The following RBBP8 variants were observed in gnomAD, a reference collection of about 807,000 sequenced individuals.
RBBP8 encodes DNA endonuclease RBBP8.
In RBBP8, 88 loss-of-function variants were observed where a neutral mutation model predicts 108.3. That is an observed-to-expected ratio of 0.81 (90% CI 0.68 to 0.97). The LOEUF is 0.97. Among genes scored for constraint, RBBP8 ranks in the 50% least tolerant of loss-of-function variants. The pLI is 0.00. For missense variants in RBBP8, 1,023 were observed against 1,049.0 expected, an observed-to-expected ratio of 0.98 and a Z score of 0.34; for synonymous variants, 332 against 348.2, an observed-to-expected ratio of 0.95 and a Z score of 0.52.
intron 4 of RBBP8, among the ~76,000 whole-genome samples, chr18:22,951,728 C>T (rs914340793): frequency 6.6e-6 from 1 of 152,230 alleles, no homozygotes; most frequent in East Asian, 1.9e-4. Flanking sequence ...TTTGGACAGA[C>T]TCTAAATTGG....
chr18:22,997,555 AAATT>A (rs1344099609), intron 13 of RBBP8, 61 bp from the exon 14 acceptor site: 13 of 1,021,338 alleles, frequency 1.3e-5, no homozygotes, highest in Admixed American at 8.4e-5. Flanking sequence ...TGTTTTGTAA[AAATT>A]AAATATAAGA....
At position 22,949,602 on chromosome 18, in the gene RBBP8, A is replaced by G. The variant is rs757001537; in HGVS notation, c.153-16A>G. 6.4e-7 allele frequency: 1 copy of G among 1,568,852 alleles called. No homozygotes were observed. On this transcript the variant is annotated splice_polypyrimidine_tract_variant and intron_variant, in intron 3 of 18. Coordinates refer to ENST00000327155, the MANE Select transcript of RBBP8 (RefSeq NM_002894.3). The stretch of plus-strand genomic sequence containing the variant: ...GTATTTTTATCTGAAAAACTTATTT[A>G]TTTTTTGACCTTTAGAGATGCACAA...
chr18:22,942,773 C>A (rs537924891), intron 2 of RBBP8, among the ~76,000 whole-genome samples: 104 of 152,086 alleles, frequency 6.8e-4, no homozygotes, highest in Admixed American at 1.8e-3. Flanking sequence ...CTTTAAAAAT[C>A]TTTTTCAGTA....
chr18:23,016,574 A>G (rs1040205172), intron 16 of RBBP8, among the ~76,000 whole-genome samples: 1 of 152,118 alleles, frequency 6.6e-6, no homozygotes, highest in African/African-American at 2.4e-5. Flanking sequence ...GAAGGACATT[A>G]TTGGTATTTT....
At chr18:22,954,417 C>A (rs1341903703) in intron 4 of RBBP8, among the ~76,000 whole-genome samples, 1 of 152,218 alleles carries the variant, frequency 6.6e-6, no homozygotes, top group Non-Finnish European at 1.5e-5. Context: ...TCCAGCAGGG[C>A]AGTCAAATTT....
chr18:23,005,030 C>T (rs910031546), intron 15 of RBBP8, among the ~76,000 whole-genome samples: 11 of 152,066 alleles, frequency 7.2e-5, no homozygotes, highest in African/African-American at 2.2e-4. Context: ...GGTGTGGTGG[C>T]GTGCGCCTAG....
Position 22,982,408 on chromosome 18 carries a change from T to A in RBBP8, c.604+15T>A. ...GTGTGCAAATGGTAAGAGTTGGAGTTGTATTTTAGTTCTCTGGTTTTGTAA... is the reference window on the plus strand; with the variant it reads ...GTGTGCAAATGGTAAGAGTTGGAGTAGTATTTTAGTTCTCTGGTTTTGTAA... On this transcript the variant is annotated intron_variant, in intron 7 of 18. Coordinates refer to ENST00000327155, the MANE Select transcript of RBBP8 (RefSeq NM_002894.3). The A allele has an allele frequency of 6.2e-7, 1 of 1,613,400 alleles. No individual in the cohort carries two copies. The highest frequency in any genetic ancestry group is 8.5e-7 in the Non-Finnish European group (1 of 1,179,860).
In RBBP8 at chr18:23,022,135, G is replaced by A; in HGVS notation, c.2461G>A (p.Ala821Thr). 1 of 1,597,160 alleles carries A rather than the reference G, an allele frequency of 6.3e-7. No individual in the cohort carries two copies. The highest frequency in any genetic ancestry group is 8.6e-7 in the Non-Finnish European group (1 of 1,164,698). ...TACCAGTTTTTATTATTAGTATTATGCAGATATGCCAGCAGAAGAAAGAGA... is the reference window on the plus strand; with the variant it reads ...TACCAGTTTTTATTATTAGTATTATACAGATATGCCAGCAGAAGAAAGAGA... ...HTCKECEIYYADMPAEEREKK... is the reference protein window; with the variant it reads ...HTCKECEIYYTDMPAEEREKK... Residue 821 changes from alanine to threonine, a missense_variant, in exon 18 of 19, where the codon GCA becomes ACA. Ala to Thr is a moderately conservative substitution (Grantham distance 58). Transcript: ENST00000327155.
At chr18:22,937,207 C>A (rs180964058) in intron 2 of RBBP8, 4 of 574,282 alleles carry the variant, frequency 7.0e-6, no homozygotes, top group Admixed American at 3.4e-5. Flanking sequence ...TTCCCACCCC[C>A]CTGACCCTCC....
intron 3 of RBBP8, among the ~76,000 whole-genome samples, chr18:22,925,841 T>C (rs2144347458): frequency 6.6e-6 from 1 of 152,356 alleles, no homozygotes; most frequent in East Asian, 1.9e-4. Flanking sequence ...TGCAGTATAA[T>C]ACTTTAATAG....
At chr18:22,971,839 G>A (rs1205006657) in intron 5 of RBBP8, among the ~76,000 whole-genome samples, 1 of 150,880 alleles carries the variant, frequency 6.6e-6, no homozygotes, top group African/African-American at 2.4e-5. Flanking sequence ...TAGAGAAGCG[G>A]TTTCACTATG....
At chr18:22,978,700 A>G (rs1914668853) in intron 6 of RBBP8, among the ~76,000 whole-genome samples, 1 of 152,214 alleles carries the variant, frequency 6.6e-6, no homozygotes, top group African/African-American at 2.4e-5. Flanking sequence ...AGCCTTTCTC[A>G]TATGACTTTA....
chr18:22,914,643 T>C (rs1330918553), intron 1 of RBBP8, among the ~76,000 whole-genome samples: 1 of 152,206 alleles, frequency 6.6e-6, no homozygotes, highest in Non-Finnish European at 1.5e-5. Flanking sequence ...CTATTATGTT[T>C]TATAGGCTGT....
intron 15 of RBBP8, among the ~76,000 whole-genome samples, chr18:23,002,465 G>A (rs1228595812): frequency 1.3e-5 from 2 of 152,138 alleles, no homozygotes; most frequent in African/African-American, 2.4e-5. Flanking sequence ...GTTTTCTGCT[G>A]TGAATGCTTT....
intron 6 of RBBP8, chr18:22,977,809 C>T (rs1327711285): frequency 1.3e-5 from 2 of 152,120 alleles, no homozygotes; most frequent in African/African-American, 4.8e-5. Flanking sequence ...AAGCAAGTCT[C>T]TTCTCCTGTG....
Position 23,026,391 on chromosome 18 carries a change from T to G in RBBP8, c.*151T>G. ...TGAAAATGTTTGTGATATTTTGCTT[T>G]TGCACCTTTAAAACAATAAGGCGCT... is the stretch of plus-strand genomic sequence containing the variant. On this transcript the variant is annotated 3_prime_UTR_variant, in exon 19 of 19. Coordinates refer to ENST00000327155, the MANE Select transcript of RBBP8 (RefSeq NM_002894.3). 1.3e-6 allele frequency: 1 copy of G among 758,692 alleles called. No individual in the cohort carries two copies. The highest frequency in any genetic ancestry group is 2.2e-6 in the Non-Finnish European group (1 of 455,908). The allele number at this position is 758,692 out of a possible 1,614,324, so 47.0% of individuals were successfully genotyped here. A position where few individuals can be genotyped will look rare whatever the true frequency, so the allele number is the denominator to read the frequency against.
At position 23,026,265 on chromosome 18, in the gene RBBP8, G is replaced by A; in HGVS notation, c.*25G>A. On this transcript the variant is annotated 3_prime_UTR_variant, in exon 19 of 19. Transcript: ENST00000327155. ...GACGTTGAAACAGAAACAGAAGGAT[G>A]AAGGACAGTTTTTTCCTTCTTAGTT... The A allele has an allele frequency of 6.3e-7, 1 of 1,579,580 alleles. No individual in the cohort carries two copies. The highest frequency in any genetic ancestry group is 1.7e-5 in the Admixed American group (1 of 59,818).
intron 3 of RBBP8, among the ~76,000 whole-genome samples, chr18:22,923,038 A>G (rs1909659152): frequency 2.0e-5 from 3 of 152,220 alleles, no homozygotes; most frequent in Non-Finnish European, 2.9e-5. Context: ...TAGTTTCACT[A>G]TAACTATACA....
chr18:22,954,645 A>T (rs2060221159), intron 4 of RBBP8, among the ~76,000 whole-genome samples: 1 of 152,162 alleles, frequency 6.6e-6, no homozygotes, highest in African/African-American at 2.4e-5. Context: ...TGGGGTCTGG[A>T]GGATGATGGC....
Sources: gnomAD v4.1 joint callset for allele counts (sites outside exome capture counted in the v4.1 genomes callset) on GRCh38, gnomAD v4.1.1 for gene constraint, MANE v1.5 for transcripts, NCBI Gene and HGNC (gene_info 2026-07-23, HGNC 2026-07-21) for gene names.